ADAM9: variants seen among roughly 807,000 people sequenced by gnomAD.
ADAM9 encodes the protein ADAM metallopeptidase domain 9.
ADAM9 carries 54 observed loss-of-function variants against 108.1 expected under a neutral mutation model. The ratio of observed to expected loss-of-function variants is 0.50; its 90% confidence interval spans 0.40 to 0.63. The LOEUF (loss-of-function observed/expected upper bound fraction) is 0.63. Among genes scored for constraint, ADAM9 ranks in the 20% least tolerant of loss-of-function variants. The pLI, the probability that ADAM9 is intolerant of heterozygous loss-of-function variation, is 0.00. For synonymous variants in ADAM9, 316 were observed against 336.0 expected, an observed-to-expected ratio of 0.94 and a Z score of 0.65; for missense variants, 830 against 997.7, an observed-to-expected ratio of 0.83 and a Z score of 2.26.
chr8:39,004,601 A>G (rs529615448), intron 1 of ADAM9, among the ~76,000 whole-genome samples: 243 of 152,340 alleles, frequency 1.6e-3, no homozygotes, highest in Non-Finnish European at 3.1e-3. Flanking sequence ...AAGTAAAGGA[A>G]TAAAAGAATG....
intron 2 of ADAM9, among the ~76,000 whole-genome samples, chr8:39,009,928 G>C (rs1423171898): frequency 2.4e-4 from 15 of 61,422 alleles, no homozygotes; most frequent in African/African-American, 9.4e-4. Flanking sequence ...GAGAGAGAGA[G>C]AGAGACAAAA....
intron 9 of ADAM9, among the ~76,000 whole-genome samples, chr8:39,025,094 T>TC (rs1236414413): frequency 6.7e-6 from 1 of 150,198 alleles, no homozygotes; most frequent in Non-Finnish European, 1.5e-5. Flanking sequence ...CCTGAATTCT[T>TC]TTTTTTTTAT....
At chr8:39,073,684 G>A (rs929840229) in intron 15 of ADAM9, among the ~76,000 whole-genome samples, 4 of 152,084 alleles carry the variant, frequency 2.6e-5, no homozygotes, top group African/African-American at 9.7e-5. Context: ...AGGGATAAGT[G>A]GATTAATGCA....
At chr8:39,091,869 G>T (rs1007284480) in intron 20 of ADAM9, among the ~76,000 whole-genome samples, 4 of 152,138 alleles carry the variant, frequency 2.6e-5, no homozygotes, top group Non-Finnish European at 5.9e-5. Flanking sequence ...GGAATGCCTT[G>T]CCTAGCAACC....
intron 9 of ADAM9, among the ~76,000 whole-genome samples, chr8:39,024,398 CTT>C (rs1248433971): frequency 6.6e-6 from 1 of 152,220 alleles, no homozygotes; most frequent in Non-Finnish European, 1.5e-5. Flanking sequence ...AACCCCCTCT[CTT>C]TGTGTGGTCT....
intron 11 of ADAM9, among the ~76,000 whole-genome samples, chr8:39,031,462 G>A (rs144798738): frequency 8.9e-4 from 136 of 152,236 alleles, no homozygotes; most frequent in African/African-American, 3.0e-3. Flanking sequence ...TTGTGCATGC[G>A]TCACATAGTT....
intron 21 of ADAM9, among the ~76,000 whole-genome samples, chr8:39,103,335 G>T (rs866445893): frequency 6.7e-6 from 1 of 150,204 alleles, no homozygotes; most frequent in African/African-American, 2.4e-5. Context: ...CATTTCATGT[G>T]CTTTTTTTTT....
rs947877889 is a variant in ADAM9, at chr8:39,009,159, C to G, written c.195+1176C>G. ...GTCACTCAACTCCATTTACATCTCT[C>G]CAACTGAGGAGTAAATGACTCTAAG... On this transcript the variant is annotated intron_variant, in intron 2 of 21. Transcript: ENST00000487273. Among the ~76,000 whole-genome samples the G allele has an allele frequency of 5.3e-5, 8 of 152,274 alleles. No homozygotes were observed. The East Asian group carries it at 1.5e-3, about 29-fold the overall frequency.
At chr8:39,065,355 A>T (rs1838426656) in intron 14 of ADAM9, among the ~76,000 whole-genome samples, 1 of 151,596 alleles carries the variant, frequency 6.6e-6, no homozygotes, top group African/African-American at 2.4e-5. Context: ...ACTTATTTTT[A>T]AGAAATAATC....
Position 39,062,852 on chromosome 8 carries a change from C to CT in ADAM9, c.1591+7080_1591+7081insT, listed in dbSNP as rs1838340418. Among the ~76,000 whole-genome samples the CT allele has an allele frequency of 3.3e-5, 5 of 152,254 alleles. No individual in the cohort carries two copies. The South Asian group carries it at 8.3e-4, about 25-fold the overall frequency. ...TGGATTCTTCCAGGGTGGGTAAATA[C>CT]ATCTTAAGTGACAAATCGACTCAAA... On this transcript the variant is annotated intron_variant, in intron 14 of 21. Coordinates refer to ENST00000487273, the MANE Select transcript of ADAM9 (RefSeq NM_003816.3).
At chr8:39,059,848 G>A (rs1025074638) in intron 14 of ADAM9, among the ~76,000 whole-genome samples, 14 of 152,236 alleles carry the variant, frequency 9.2e-5, no homozygotes, top group African/African-American at 3.4e-4. Flanking sequence ...ACTGTCACCT[G>A]ATGGGTAGGA....
chr8:39,090,692 A>C (rs548117816), intron 19 of ADAM9, among the ~76,000 whole-genome samples: 2 of 152,306 alleles, frequency 1.3e-5, no homozygotes, highest in African/African-American at 4.8e-5. Context: ...TTTGCTTAAC[A>C]CCAATTTCTG....
intron 12 of ADAM9, among the ~76,000 whole-genome samples, chr8:39,043,960 A>C (rs1457446075): frequency 6.6e-6 from 1 of 152,150 alleles, no homozygotes; most frequent in East Asian, 1.9e-4. Flanking sequence ...ATTTTTTGCT[A>C]TTGAGCTGTA....
Position 39,069,904 on chromosome 8 carries a change from A to G in ADAM9, c.1592-1394A>G, listed in dbSNP as rs138085250. 1.2e-3 allele frequency among the ~76,000 whole-genome samples: 182 copies of G among 152,078 alleles called. 1 individual carries two copies. Among genetic ancestry groups the G allele is most frequent in the African/African-American group, 3.9e-3 (162 of 41,472 alleles). On this transcript the variant is annotated intron_variant, in intron 14 of 21. Transcript: ENST00000487273. ...GCATATGAGTGTATAATATACAAAA[A>G]TGGTATCATATTGACATACTGCTTT...
chr8:39,016,275 C>A, intron 5 of ADAM9, 81 bp downstream of exon 5: 2 of 1,279,036 alleles, frequency 1.6e-6, no homozygotes, highest in South Asian at 1.2e-5. Context: ...CAAATTAAAT[C>A]ATTTTGGGCA....
rs565240238 is a variant in ADAM9 at position 38,997,250 on chromosome 8, G to A, written c.97+90G>A. 32 of 1,426,960 alleles carry A rather than the reference G, an allele frequency of 2.2e-5. No individual in the cohort carries two copies. The East Asian group carries it at 7.4e-4, about 33-fold the overall frequency. The allele number at this position is 1,426,960 out of a possible 1,614,324, so 88.4% of individuals were successfully genotyped here. On this transcript the variant is annotated intron_variant, in intron 1 of 21. Transcript: ENST00000487273. ...ACCTGTGGTGCCTGGGAGTGGAGGG[G>A]CCCGGCCTGGGGATCGGACCCGGGG...
intron 16 of ADAM9, among the ~76,000 whole-genome samples, chr8:39,078,097 C>A (rs1838904783): frequency 6.6e-6 from 1 of 151,958 alleles, no homozygotes; most frequent in African/African-American, 2.4e-5. Flanking sequence ...GACTGATTAG[C>A]CCATGAAAAA....
At chr8:39,087,806 A>G (rs557819332) in intron 18 of ADAM9, among the ~76,000 whole-genome samples, 15 of 152,302 alleles carry the variant, frequency 9.8e-5, no homozygotes, top group African/African-American at 2.9e-4. Flanking sequence ...CCGTTGAACA[A>G]TGCAAAGGTT....
chr8:39,032,339 C>T (rs1000607694), intron 11 of ADAM9, among the ~76,000 whole-genome samples: 1 of 152,224 alleles, frequency 6.6e-6, no homozygotes, highest in African/African-American at 2.4e-5. Context: ...AGTTGAGCTT[C>T]CCTGGCTGCT....
Sources: gnomAD v4.1 joint callset for allele counts (sites outside exome capture counted in the v4.1 genomes callset) on GRCh38, gnomAD v4.1.1 for gene constraint, MANE v1.5 for transcripts, NCBI Gene and HGNC (gene_info 2026-07-23, HGNC 2026-07-21) for gene names.